Variants in TMPRSS4 observed in about 807,000 individuals in gnomAD.
TMPRSS4 encodes transmembrane protease serine 4.
In TMPRSS4, 45 loss-of-function variants were observed where a neutral mutation model predicts 56.4. The ratio of observed to expected loss-of-function variants is 0.80; its 90% confidence interval spans 0.63 to 1.02. The LOEUF is 1.02. TMPRSS4 is among the 50% of genes least tolerant of loss of function. The pLI is 0.00. For missense variants in TMPRSS4, 546 were observed against 556.7 expected, an observed-to-expected ratio of 0.98 and a Z score of 0.19; for synonymous variants, 205 against 211.0, an observed-to-expected ratio of 0.97 and a Z score of 0.25.
At chr11:118,081,606 G>A (rs1048725912) in intron 1 of TMPRSS4, among the ~76,000 whole-genome samples, 4 of 152,346 alleles carry the variant, frequency 2.6e-5, no homozygotes, top group East Asian at 1.9e-4. Context: ...CCAGGCGTGC[G>A]CACCTGTCCA....
rs1947718465 is a variant in TMPRSS4, at chr11:118,119,573, A to T, written c.*1660A>T. On this transcript the variant is annotated 3_prime_UTR_variant, in exon 13 of 13. Coordinates refer to ENST00000437212, the MANE Select transcript of TMPRSS4 (RefSeq NM_019894.4). ...TATTTGCAGAGTATTTGTATGTGCC[A>T]GACACTATTGTAAGTGCTTCATCAT... The T allele has an allele frequency of 6.4e-6, 1 of 157,252 alleles. No homozygotes were observed. The highest frequency in any genetic ancestry group is 6.5e-5 in the Admixed American group (1 of 15,288). The allele number at this position is 157,252 out of a possible 1,614,324, so 9.7% of individuals were successfully genotyped here.
intron 1 of TMPRSS4, among the ~76,000 whole-genome samples, chr11:118,090,064 C>T (rs912652500): frequency 1.3e-5 from 2 of 152,086 alleles, no homozygotes; most frequent in African/African-American, 2.4e-5. Flanking sequence ...AGGCTGGTCT[C>T]GAACTCCTGA....
At chr11:118,085,521 A>G (rs1007997010) in intron 1 of TMPRSS4, among the ~76,000 whole-genome samples, 1 of 152,148 alleles carries the variant, frequency 6.6e-6, no homozygotes, top group Non-Finnish European at 1.5e-5. Context: ...AGTTTAAAGG[A>G]CAACTCAGGA....
At chr11:118,098,562 C>G (rs1946538660) in intron 2 of TMPRSS4, among the ~76,000 whole-genome samples, 1 of 152,190 alleles carries the variant, frequency 6.6e-6, no homozygotes, top group African/African-American at 2.4e-5. Context: ...GCCCCTGCCT[C>G]CCTGATGCTT....
In TMPRSS4 at chr11:118,103,440, G is replaced by A. The variant is rs149812824; in HGVS notation, c.310+187G>A. ...TCTGTGGCCCAAGATGGAGTGCAGT[G>A]TCTTGGTCTCGGCTCACTGCAACCT... On this transcript the variant is annotated intron_variant, in intron 4 of 12. Coordinates refer to ENST00000437212, the MANE Select transcript of TMPRSS4 (RefSeq NM_019894.4). 1.1e-4 allele frequency among the ~76,000 whole-genome samples: 16 copies of A among 152,306 alleles called. No homozygotes were observed. In the East Asian group the frequency reaches 2.9e-3, roughly 28 times the overall value.
At chr11:118,096,846 G>A (rs10892213) in intron 2 of TMPRSS4, among the ~76,000 whole-genome samples, 27,400 of 36,038 alleles carry the variant, frequency 0.76, 11,827 homozygotes, top group Non-Finnish European at 0.81. Flanking sequence ...AAGGAAAGAA[G>A]GAAAGAAAGA....
rs749199288 is a variant in TMPRSS4, at chr11:118,119,376, C to T, written c.*1463C>T. On this transcript the variant is annotated 3_prime_UTR_variant, in exon 13 of 13. Transcript: ENST00000437212. ...TGCAGATGGTCTGGAGGAAAATTTC[C>T]CAAATTTAGAGCCTCAGGATTCCCA... 67 of 984,674 alleles carry T rather than the reference C, an allele frequency of 6.8e-5. No homozygotes were observed. The highest frequency in any genetic ancestry group is 7.4e-5 in the Non-Finnish European group (61 of 829,446). The allele number at this position is 984,674 out of a possible 1,614,324, so 61.0% of individuals were successfully genotyped here.
In TMPRSS4 at chr11:118,119,139, A is replaced by G. The variant is rs903540734; in HGVS notation, c.*1226A>G. On this transcript the variant is annotated 3_prime_UTR_variant, in exon 13 of 13. Coordinates refer to ENST00000437212, the MANE Select transcript of TMPRSS4 (RefSeq NM_019894.4). ...AATGCCAAAAACAAAGAAAATAGAA[A>G]CCCAGAAAACAAAACAAAATAAAAC... 1.9e-5 allele frequency: 19 copies of G among 985,350 alleles called. No individual in the cohort carries two copies. Among genetic ancestry groups the G allele is most frequent in the Non-Finnish European group, 2.3e-5 (19 of 829,974 alleles). 61.0% of individuals were successfully genotyped at this position (985,350 alleles called of 1,614,324 possible).
At chr11:118,100,184 G>A (rs1946665099) in intron 3 of TMPRSS4, among the ~76,000 whole-genome samples, 1 of 152,146 alleles carries the variant, frequency 6.6e-6, no homozygotes, top group East Asian at 1.9e-4. Flanking sequence ...CCCTCAGAGC[G>A]ATATCATGAG....
intron 7 of TMPRSS4, among the ~76,000 whole-genome samples, 166 bp downstream of exon 7, chr11:118,109,062 G>T (rs903644912): frequency 6.6e-6 from 1 of 152,166 alleles, no homozygotes; most frequent in Non-Finnish European, 1.5e-5. Context: ...TGGTGGCCTT[G>T]GGCAGGTCAC....
At chr11:118,078,704 G>A (rs905533739) in intron 1 of TMPRSS4, among the ~76,000 whole-genome samples, 1 of 152,108 alleles carries the variant, frequency 6.6e-6, no homozygotes, top group Non-Finnish European at 1.5e-5. Flanking sequence ...TGTCTCTTGG[G>A]GGAGCAACAG....
At chr11:118,117,503 C>A (rs1467094739) in intron 12 of TMPRSS4, 49 bp downstream of exon 12, 1 of 1,571,768 alleles carries the variant, frequency 6.4e-7, no homozygotes, top group Non-Finnish European at 8.6e-7. Context: ...AGTCCTCTAC[C>A]TGGGGGGTGC....
chr11:118,107,764 AT>A lies in TMPRSS4; in HGVS notation c.441-9del, dbSNP rs776476532. The A allele has an allele frequency of 8.1e-6, 13 of 1,612,968 alleles. No homozygotes were observed. In the African/African-American group the frequency reaches 1.7e-4, roughly 22 times the overall value. On this transcript the variant is annotated splice_polypyrimidine_tract_variant and intron_variant, in intron 5 of 12. Transcript: ENST00000437212. ...AGCTCACAACTCTCTCTCCCTCTTGATGTGAGCAGCAAACCCACTTTCAGAG... is the reference window on the plus strand; with the variant it reads ...AGCTCACAACTCTCTCTCCCTCTTGAGTGAGCAGCAAACCCACTTTCAGAG...
intron 1 of TMPRSS4, among the ~76,000 whole-genome samples, chr11:118,079,135 A>G (rs916526361): frequency 6.6e-6 from 1 of 152,116 alleles, no homozygotes; most frequent in South Asian, 2.1e-4. Flanking sequence ...AGCATGGCCA[A>G]TCTCCACGGT....
In TMPRSS4 at chr11:118,093,667, A is replaced by T. The variant is rs146504486; in HGVS notation, c.4-1149A>T. ...CTCTCAGAAATATCATAATGTTGAT[A>T]GCACATATGTAGTAAAGTACTCAAG... On this transcript the variant is annotated intron_variant, in intron 1 of 12. Transcript: ENST00000437212. 3.5e-4 allele frequency among the ~76,000 whole-genome samples: 54 copies of T among 152,370 alleles called. 1 individual carries two copies. In the East Asian group the frequency reaches 0.01, roughly 28 times the overall value.
intron 1 of TMPRSS4, among the ~76,000 whole-genome samples, chr11:118,087,980 A>C (rs1055708912): frequency 2.0e-5 from 3 of 152,036 alleles, no homozygotes; most frequent in Non-Finnish European, 4.4e-5. Context: ...GAACTGAGCA[A>C]AGTCACTCTA....
In TMPRSS4 at chr11:118,112,316, C is replaced by T. The variant is rs1254075426; in HGVS notation, c.743+416C>T. On this transcript the variant is annotated intron_variant, in intron 8 of 12. Transcript: ENST00000437212. ...TTAAAAAAATTAAAGAGCATAGGTT[C>T]CTTTCAGTCCACAGAGAAGCCTGGC... Among the ~76,000 whole-genome samples, 5 of 149,426 alleles carry T rather than the reference C, an allele frequency of 3.3e-5. No homozygotes were observed. In the East Asian group the frequency reaches 9.9e-4, roughly 29 times the overall value.
At chr11:118,084,285 G>A (rs1034924046) in intron 1 of TMPRSS4, among the ~76,000 whole-genome samples, 1 of 152,154 alleles carries the variant, frequency 6.6e-6, no homozygotes, top group Admixed American at 6.5e-5. Flanking sequence ...TCTGTGCACT[G>A]TAAAACACAA....
At chr11:118,114,379 C>A (rs1947434272) in intron 9 of TMPRSS4, among the ~76,000 whole-genome samples, 1 of 152,158 alleles carries the variant, frequency 6.6e-6, no homozygotes, top group African/African-American at 2.4e-5. Flanking sequence ...CACAGGGACA[C>A]CCGGGGAAGC....
Sources: allele counts gnomAD v4.1 joint callset (sites outside exome capture counted in the v4.1 genomes callset), GRCh38; gene constraint gnomAD v4.1.1; transcripts MANE v1.5; gene names NCBI Gene and HGNC (gene_info 2026-07-23, HGNC 2026-07-21).